Variants in SCN9A observed in about 807,000 individuals in gnomAD.
SCN9A encodes the protein sodium channel protein type 9 subunit alpha.
A neutral mutation model predicts 187.0 loss-of-function variants in SCN9A; 131 were observed. That is an observed-to-expected ratio of 0.70 (90% confidence interval 0.61 to 0.81). The LOEUF (loss-of-function observed/expected upper bound fraction) is 0.81, where lower values mean the gene tolerates loss of function less well. Ranked by LOEUF, SCN9A falls within the 30% of genes least tolerant of loss-of-function variation. SCN9A has a pLI of 0.00. For synonymous variants in SCN9A, 809 were observed against 808.6 expected (o/e 1.00, Z -0.01); for missense variants, 2,252 against 2,396.6 (o/e 0.94, Z 1.26).
intron 1 of SCN9A, among the ~76,000 whole-genome samples, chr2:166,331,468 A>C (rs1209528269): frequency 3.9e-5 from 6 of 152,198 alleles, no homozygotes; most frequent in Admixed American, 3.9e-4. Flanking sequence ...AGCTAATCTT[A>C]TATACTCTAA....
intron 17 of SCN9A, among the ~76,000 whole-genome samples, chr2:166,258,822 T>A (rs1234042616): frequency 6.6e-6 from 1 of 151,792 alleles, no homozygotes; most frequent in Admixed American, 6.6e-5. Flanking sequence ...TTAATTTAAA[T>A]GTGACAATTT....
intron 7 of SCN9A, among the ~76,000 whole-genome samples, chr2:166,300,023 C>G (rs1349913613): frequency 2.0e-5 from 3 of 150,868 alleles, no homozygotes; most frequent in South Asian, 2.1e-4. Flanking sequence ...TGCCATCACT[C>G]TAGATGAAAC....
chr2:166,219,222 T>C (rs1024339952), intron 24 of SCN9A, among the ~76,000 whole-genome samples: 12 of 152,190 alleles, frequency 7.9e-5, no homozygotes, highest in African/African-American at 2.9e-4. Flanking sequence ...ACTGGGTATA[T>C]ACCTAAAGGG....
rs1029813878 is a variant in SCN9A, at chr2:166,278,190, G to C, written c.2467C>G (p.Leu823Val). The change falls in exon 15 of 27, where the codon CTC becomes GTC. Residue 823 changes from leucine (L) to valine (V), a missense_variant. This residue lies in a region of SCN9A where 1,013 missense variants were observed against 997.4 expected (regional missense o/e 1.02). Transcript: ENST00000642356. ...AATCCTTCCACATCTGCTAGAAAGA[G>C]CTCCACTAAACTTAAAGTCACAATA... ...SLIVTLSLVE[L>V]FLADVEGLSV... The C allele has an allele frequency of 1.9e-6, 3 of 1,612,982 alleles. No homozygotes were observed. The highest frequency in any genetic ancestry group is 2.5e-6 in the Non-Finnish European group (3 of 1,179,514).
chr2:166,349,915 C>A (rs1026914744), intron 1 of SCN9A, among the ~76,000 whole-genome samples: 7 of 151,466 alleles, frequency 4.6e-5, no homozygotes, highest in African/African-American at 1.5e-4. Flanking sequence ...GAGGTTGTGG[C>A]GAGCCAAGAT....
intron 1 of SCN9A, among the ~76,000 whole-genome samples, chr2:166,341,233 A>G (rs1033684450): frequency 1.3e-5 from 2 of 152,226 alleles, no homozygotes. Context: ...ATATCTATAT[A>G]ATGACATGGT....
intron 24 of SCN9A, among the ~76,000 whole-genome samples, chr2:166,211,507 C>A (rs897746834): frequency 1.5e-5 from 2 of 129,602 alleles, no homozygotes; most frequent in African/African-American, 5.7e-5. Context: ...TACTGTAATA[C>A]TCTAATAGTA....
intron 5 of SCN9A, 115 bp downstream of exon 5, chr2:166,305,677 A>C (rs1244572807): frequency 1.4e-6 from 2 of 1,394,528 alleles, no homozygotes; most frequent in Non-Finnish European, 2.0e-6. Context: ...ATTTTCCTTT[A>C]AATACAGACA....
chr2:166,266,210 T>C (rs1696731017), intron 17 of SCN9A, among the ~76,000 whole-genome samples: 1 of 151,978 alleles, frequency 6.6e-6, no homozygotes. Context: ...AGTCTTACAT[T>C]TAAGTAGTCT....
Position 166,199,475 on chromosome 2 carries a change from G to A in SCN9A, c.5164C>T (p.Pro1722Ser), listed in dbSNP as rs201264153. 17 of 1,614,026 alleles carry A rather than the reference G, an allele frequency of 1.1e-5. No individual in the cohort carries two copies. The highest frequency in any genetic ancestry group is 3.3e-4 in the Middle Eastern group (2 of 6,082). Residue 1722 changes from proline (P) to serine (S), a missense_variant, in exon 27 of 27, where the codon CCT (proline) becomes TCT (serine). By Grantham distance (74) the Pro-to-Ser change is moderately conservative. Around this residue, in one of 7 missense-constraint regions of SCN9A, gnomAD observed 345 missense variants for 344.6 expected, o/e 1.00. Transcript: ENST00000642356. ...PPDCDPKKVH[P>S]GSSVEGDCGN... ...CAGTCTCCTTCAACTGAACTTCCAG[G>A]ATGAACTTTTTTTGGGTCACAGTCG...
intron 20 of SCN9A, among the ~76,000 whole-genome samples, chr2:166,235,507 CT>C (rs1179521899): frequency 6.6e-6 from 1 of 152,048 alleles, no homozygotes; most frequent in Non-Finnish European, 1.5e-5. Context: ...ATCTGTAGGG[CT>C]TGTTACAATG....
intron 1 of SCN9A, among the ~76,000 whole-genome samples, chr2:166,375,062 C>G (rs535795174): frequency 1.5e-4 from 23 of 152,102 alleles, no homozygotes; most frequent in African/African-American, 5.5e-4. Flanking sequence ...AATGAGTTTC[C>G]CAAGTTGAAT....
chr2:166,241,795 T>C (rs528943156), intron 19 of SCN9A, among the ~76,000 whole-genome samples: 3 of 152,298 alleles, frequency 2.0e-5, no homozygotes, highest in East Asian at 3.9e-4. Context: ...TCTGAGCTCC[T>C]TAAGAATAAA....
At chr2:166,345,949 C>T (rs1353387047) in intron 1 of SCN9A, among the ~76,000 whole-genome samples, 1 of 152,136 alleles carries the variant, frequency 6.6e-6, no homozygotes, top group African/African-American at 2.4e-5. Context: ...CTAGCTTCCT[C>T]CCTGAATTTG....
intron 24 of SCN9A, among the ~76,000 whole-genome samples, chr2:166,216,950 C>T (rs1343010127): frequency 3.3e-5 from 5 of 151,834 alleles, no homozygotes; most frequent in Non-Finnish European, 7.4e-5. Context: ...AAGAACAAAG[C>T]TAGAGGTGCA....
At position 166,251,865 on chromosome 2, in the gene SCN9A, G is replaced by A. The variant is rs1696056240; in HGVS notation, c.3372C>T (p.Ser1124=). 6.2e-7 allele frequency: 1 copy of A among 1,612,432 alleles called. No individual in the cohort carries two copies. Among genetic ancestry groups the A allele is most frequent in the Admixed American group, 1.7e-5 (1 of 59,806 alleles). The change falls in exon 18 of 27, where the codon TCC becomes TCT. Residue 1124 remains serine (S), a synonymous_variant. Coordinates refer to ENST00000642356, the MANE Select transcript of SCN9A (RefSeq NM_001365536.1). The stretch of plus-strand genomic sequence containing the variant: ...GGTTATCAACTGTGCTGCACTCTGA[G>A]GAGCTTGACCGGTTTAATCTCTAGA... ...YSKVRLNRSS[S]SECSTVDNPL...
chr2:166,330,320 C>T (rs1179422563), intron 1 of SCN9A, among the ~76,000 whole-genome samples: 1 of 152,130 alleles, frequency 6.6e-6, no homozygotes, highest in Non-Finnish European at 1.5e-5. Context: ...TTTTCATTCC[C>T]ATGCTTAGCA....
rs758221940 is a variant in SCN9A, at chr2:166,228,676, A to G, written c.4206+15T>C. On this transcript the variant is annotated intron_variant, in intron 22 of 26. Coordinates refer to ENST00000642356, the MANE Select transcript of SCN9A (RefSeq NM_001365536.1). ...TCTATTAAAATACCAAGCACTCATG[A>G]AATGGGACACTTACAACTTGAAGCA... 6.3e-7 allele frequency: 1 copy of G among 1,597,570 alleles called. No homozygotes were observed. The highest frequency in any genetic ancestry group is 8.6e-7 in the Non-Finnish European group (1 of 1,169,416).
At chr2:166,282,313 A>G (rs969817600) in intron 12 of SCN9A, among the ~76,000 whole-genome samples, 5 of 152,204 alleles carry the variant, frequency 3.3e-5, no homozygotes, top group Admixed American at 6.5e-5. Flanking sequence ...TCTTACTGCC[A>G]AGGAAGACCT....
Sources: allele counts gnomAD v4.1 joint callset (sites outside exome capture counted in the v4.1 genomes callset), GRCh38; gene constraint gnomAD v4.1.1; regional missense constraint gnomAD v4.1.1; transcripts MANE v1.5; gene names NCBI Gene and HGNC (gene_info 2026-07-23, HGNC 2026-07-21).